Variants in SEMA3A observed in about 807,000 individuals in gnomAD.
SEMA3A encodes semaphorin-3A.
Under a neutral mutation model 97.9 loss-of-function variants are expected in SEMA3A, and 29 were observed. The observed-to-expected ratio is 0.30, with a 90% CI of 0.22 to 0.40. The LOEUF (loss-of-function observed/expected upper bound fraction) is 0.40, where lower values mean the gene tolerates loss of function less well. Among genes scored for constraint, SEMA3A ranks in the 10% least tolerant of loss-of-function variants. The probability of loss-of-function intolerance (pLI) is 1.00; values close to 1 mark genes in which losing one functional copy is unlikely to be tolerated. For synonymous variants in SEMA3A, 321 were observed against 323.7 expected, an observed-to-expected ratio of 0.99 and a Z score of 0.09; for missense variants, 763 against 951.3, an observed-to-expected ratio of 0.80 and a Z score of 2.60.
In SEMA3A at chr7:84,361,640, T is replaced by C. The variant is rs554992683; in HGVS notation, c.-169+10184A>G. Among the ~76,000 whole-genome samples the C allele has an allele frequency of 6.6e-4, 100 of 152,130 alleles. 2 individuals are homozygous for C. The South Asian group carries it at 0.02, about 31-fold the overall frequency. On this transcript the variant is annotated intron_variant, in intron 2 of 3. Transcript: ENST00000424555. ...TCAAGGGAAGACTCCTAATTACTAA[T>C]GATACCCTAATTACAATGAATCTTA...
At chr7:84,393,023 T>A in intron 1 of SEMA3A, among the ~76,000 whole-genome samples, 1 of 152,196 alleles carries the variant, frequency 6.6e-6, no homozygotes, top group Non-Finnish European at 1.5e-5. Flanking sequence ...TTGTTTCCTT[T>A]GCTATGCAGA....
At chr7:84,106,568 T>A (rs545172971) in intron 4 of SEMA3A, among the ~76,000 whole-genome samples, 26 of 152,278 alleles carry the variant, frequency 1.7e-4, no homozygotes, top group African/African-American at 6.0e-4. Context: ...GTAAAAGAGG[T>A]CTATTTTCAT....
intron 6 of SEMA3A, among the ~76,000 whole-genome samples, chr7:84,043,179 T>C (rs896772897): frequency 6.6e-6 from 1 of 152,032 alleles, no homozygotes; most frequent in Non-Finnish European, 1.5e-5. Flanking sequence ...CGTTATTACA[T>C]GTTAAAATGT....
chr7:84,285,027 G>A (rs920008509), intron 3 of SEMA3A, among the ~76,000 whole-genome samples: 1 of 152,090 alleles, frequency 6.6e-6, no homozygotes, highest in East Asian at 1.9e-4. Context: ...GGCAGTGCAC[G>A]TTCTCCACTT....
intron 1 of SEMA3A, among the ~76,000 whole-genome samples, chr7:84,423,193 G>C (rs35428742): frequency 0.11 from 16,998 of 151,920 alleles, 1,191 homozygotes; most frequent in East Asian, 0.28. Context: ...AAGAAGACAT[G>C]TTTGTAGTTC....
intron 2 of SEMA3A, among the ~76,000 whole-genome samples, chr7:84,337,398 A>G (rs1802063565): frequency 1.3e-5 from 2 of 152,162 alleles, no homozygotes; most frequent in South Asian, 4.1e-4. Flanking sequence ...CATCCCTTAA[A>G]GCAGGCATCT....
At chr7:83,977,373 C>T (rs1392802666) in intron 14 of SEMA3A, among the ~76,000 whole-genome samples, 177 bp from the exon 15 acceptor site, 1 of 151,846 alleles carries the variant, frequency 6.6e-6, no homozygotes, top group East Asian at 1.9e-4. Flanking sequence ...GTTCATTATA[C>T]CTGTAAGAGC....
intron 1 of SEMA3A, among the ~76,000 whole-genome samples, chr7:84,176,709 T>A (rs1797579250): frequency 6.6e-6 from 1 of 152,166 alleles, no homozygotes; most frequent in African/African-American, 2.4e-5. Context: ...TGTCATTCCC[T>A]ATTCAATCAC....
At chr7:84,241,986 T>C (rs1299929805) in intron 3 of SEMA3A, among the ~76,000 whole-genome samples, 1 of 152,160 alleles carries the variant, frequency 6.6e-6, no homozygotes, top group African/African-American at 2.4e-5. Flanking sequence ...CATTGGTCTA[T>C]ATATCTGTTT....
At chr7:84,081,143 T>C (rs1275090940) in intron 4 of SEMA3A, among the ~76,000 whole-genome samples, 2 of 152,108 alleles carry the variant, frequency 1.3e-5, no homozygotes, top group African/African-American at 2.4e-5. Context: ...ATGTTTATTA[T>C]CTATGTAGCT....
chr7:84,399,745 C>T (rs1455496649), intron 1 of SEMA3A, among the ~76,000 whole-genome samples: 7 of 152,186 alleles, frequency 4.6e-5, no homozygotes, highest in Admixed American at 4.6e-4. Flanking sequence ...GTTAAAATGG[C>T]CTCTGGCCTT....
intron 15 of SEMA3A, among the ~76,000 whole-genome samples, chr7:83,964,988 A>G (rs1244957157): frequency 6.6e-6 from 1 of 152,182 alleles, no homozygotes; most frequent in Non-Finnish European, 1.5e-5. Flanking sequence ...GGGCTGGAAA[A>G]TCTGTAATTC....
chr7:84,190,023 TTATC>T, intron 1 of SEMA3A, among the ~76,000 whole-genome samples: 1 of 151,814 alleles, frequency 6.6e-6, no homozygotes, highest in African/African-American at 2.4e-5. Flanking sequence ...ATTGGGAAAA[TTATC>T]TATTCAGTAT....
intron 1 of SEMA3A, among the ~76,000 whole-genome samples, chr7:84,488,936 G>A (rs1806651559): frequency 6.6e-6 from 1 of 152,090 alleles, no homozygotes; most frequent in Non-Finnish European, 1.5e-5. Flanking sequence ...TATTAGAGAG[G>A]TAGTACAGTC....
chr7:84,315,737 A>ATTC (rs1584232824), intron 2 of SEMA3A, among the ~76,000 whole-genome samples: 1 of 152,250 alleles, frequency 6.6e-6, no homozygotes, highest in East Asian at 1.9e-4. Context: ...AATTTTATGC[A>ATTC]AAAACTTATT....
intron 3 of SEMA3A, among the ~76,000 whole-genome samples, chr7:84,270,799 A>T (rs913567503): frequency 6.6e-6 from 1 of 151,612 alleles, no homozygotes; most frequent in African/African-American, 2.4e-5. Flanking sequence ...ATTAGATTTT[A>T]AAACAATTTA....
chr7:83,984,432 G>C (rs868825026), intron 13 of SEMA3A, among the ~76,000 whole-genome samples: 1 of 152,030 alleles, frequency 6.6e-6, no homozygotes, highest in Non-Finnish European at 1.5e-5. Flanking sequence ...GATATACACT[G>C]AATTTTACTG....
At chr7:84,311,000 T>TTATATATATA (rs4016123) in intron 2 of SEMA3A, among the ~76,000 whole-genome samples, 14 of 148,670 alleles carry the variant, frequency 9.4e-5, no homozygotes, top group South Asian at 2.1e-4. Context: ...TTAGTAGATG[T>TTATATATATA]TATATATATA....
Position 84,383,552 on chromosome 7 carries a change from T to C in SEMA3A, c.-245-11652A>G, listed in dbSNP as rs550629517. On this transcript the variant is annotated intron_variant, in intron 1 of 3. Coordinates refer to the SEMA3A transcript ENST00000424555. ...GTGAAAGTAAGAATTTAATCACTGA[T>C]GCAGATAATTCCAGCCCTTCACTAA... Among the ~76,000 whole-genome samples, 98 of 152,298 alleles carry C rather than the reference T, an allele frequency of 6.4e-4. No individual in the cohort carries two copies. The Middle Eastern group carries it at 0.014, about 21-fold the overall frequency.
Sources: gnomAD v4.1 joint callset for allele counts (sites outside exome capture counted in the v4.1 genomes callset) on GRCh38, gnomAD v4.1.1 for gene constraint, MANE v1.5 for transcripts, NCBI Gene and HGNC (gene_info 2026-07-23, HGNC 2026-07-21) for gene names.